INSL6: variants seen among roughly 807,000 people sequenced by gnomAD.
INSL6 encodes insulin-like peptide INSL6.
Under a neutral mutation model 9.4 loss-of-function variants are expected in INSL6, and 16 were observed. The ratio of observed to expected loss-of-function variants is 1.70; its 90% CI spans 1.15 to 2.59. INSL6 has a LOEUF of 2.59. Ranked by LOEUF, INSL6 falls within the 30% of genes most tolerant of loss-of-function variation. The pLI is 0.00. For missense variants in INSL6, 391 were observed against 257.3 expected (o/e 1.52, Z -3.56); for synonymous variants, 154 against 96.9 (o/e 1.59, Z -3.46).
the INSL6 span, chr9:5,054,497 A>T: frequency 7.3e-7 from 1 of 1,366,386 alleles, no homozygotes; most frequent in Non-Finnish European, 1.0e-6. The surrounding 1 kb of genome is among the most constrained non-coding windows in gnomAD (Gnocchi z 4.9). Flanking sequence ...TTCTTTTTCA[A>T]TTTTTAGATT....
chr9:4,996,395 C>G, the INSL6 span, among the ~76,000 whole-genome samples: 2 of 151,982 alleles, frequency 1.3e-5, no homozygotes, highest in African/African-American at 2.4e-5. Flanking sequence ...TTGCAGTGAG[C>G]TGAGATCGTG....
At chr9:5,163,442 G>C (rs1477045441), downstream of INSL6, among the ~76,000 whole-genome samples, 1 of 152,180 alleles carries the variant, frequency 6.6e-6, no homozygotes, top group Non-Finnish European at 1.5e-5. Flanking sequence ...CAAGGAATTA[G>C]AAGTGTAACT....
chr9:5,015,528 T>A, the INSL6 span, among the ~76,000 whole-genome samples: 3 of 80,348 alleles, frequency 3.7e-5, no homozygotes, highest in African/African-American at 5.7e-5. Context: ...ATTCTTTTTC[T>A]TTTTCTTTTC....
At chr9:5,083,942 C>T in the INSL6 span, among the ~76,000 whole-genome samples, 1 of 152,006 alleles carries the variant, frequency 6.6e-6, no homozygotes, top group Non-Finnish European at 1.5e-5. Flanking sequence ...TGCTATTTTT[C>T]ATATATCAAG....
chr9:5,042,916 G>C, the INSL6 span, among the ~76,000 whole-genome samples: 2 of 152,184 alleles, frequency 1.3e-5, no homozygotes. Context: ...AGGGGCAGGT[G>C]GGCCCTGCTA....
the INSL6 span, among the ~76,000 whole-genome samples, chr9:5,073,063 G>C: frequency 6.6e-6 from 1 of 152,150 alleles, no homozygotes; most frequent in Admixed American, 6.6e-5. Flanking sequence ...CAGACCCCGT[G>C]GCCAGTTGCC....
intron 1 of INSL6, among the ~76,000 whole-genome samples, chr9:5,177,227 G>C (rs1825329316): frequency 6.6e-6 from 1 of 152,172 alleles, no homozygotes; most frequent in African/African-American, 2.4e-5. Context: ...GATCCAGAGA[G>C]AAAGAAGAAA....
the INSL6 span, among the ~76,000 whole-genome samples, chr9:5,052,612 G>A: frequency 6.6e-6 from 1 of 151,992 alleles, no homozygotes; most frequent in African/African-American, 2.4e-5. Flanking sequence ...CATCCTTTCT[G>A]AAAGAAACCC....
At chr9:5,054,351 CTT>C in the INSL6 span, among the ~76,000 whole-genome samples, 3 of 152,036 alleles carry the variant, frequency 2.0e-5, no homozygotes, top group East Asian at 5.8e-4. This position sits in a 1 kb window ranked among gnomAD's most constrained non-coding sequence, Gnocchi z 4.9. Context: ...TTGATGATAA[CTT>C]AGAGTGTGTG....
chr9:5,029,681 A>G, the INSL6 span: 51 of 1,073,746 alleles, frequency 4.7e-5, no homozygotes, highest in Admixed American at 2.4e-4. Context: ...TTTTGTTCCG[A>G]TTTTAAGAGT....
chr9:5,000,474 G>A, the INSL6 span, among the ~76,000 whole-genome samples: 3 of 152,144 alleles, frequency 2.0e-5, no homozygotes, highest in Non-Finnish European at 1.5e-5. Context: ...AATATAAAGA[G>A]AAGCGTAACA....
chr9:5,098,180 C>G, the INSL6 span: 1 of 152,112 alleles, frequency 6.6e-6, no homozygotes. Flanking sequence ...ATTTGAAGAG[C>G]CAACCTACAT....
intron 3 of INSL6, chr9:5,126,835 A>C (rs966081063): frequency 2.5e-6 from 3 of 1,189,240 alleles, no homozygotes; most frequent in Non-Finnish European, 2.5e-6. Context: ...TTTACAGAAC[A>C]AAGTTTTATA....
At chr9:5,086,802 T>G in the INSL6 span, among the ~76,000 whole-genome samples, 1 of 152,338 alleles carries the variant, frequency 6.6e-6, no homozygotes, top group South Asian at 2.1e-4. Flanking sequence ...TCTTTCACAC[T>G]TTCTTCTTAT....
the INSL6 span, among the ~76,000 whole-genome samples, chr9:5,073,138 G>T: frequency 8.6e-3 from 1,307 of 152,268 alleles, 22 homozygotes; most frequent in Non-Finnish European, 0.011. Flanking sequence ...GTTAGAAGAT[G>T]ATGTGAAAAG....
chr9:5,077,400 TTTAA>T, the INSL6 span: 1 of 611,898 alleles, frequency 1.6e-6, no homozygotes, highest in Non-Finnish European at 2.4e-6. Context: ...ATTACATATA[TTTAA>T]TTATATTTAT....
chr9:5,185,276 C>T (rs376326122), intron 1 of INSL6, 38 bp downstream of exon 1: 71 of 1,613,086 alleles, frequency 4.4e-5, no homozygotes, highest in Non-Finnish European at 5.8e-5. Context: ...AAGAAATATA[C>T]AGAGGTGAAC....
At chr9:5,160,754 A>G (rs1824908931), downstream of INSL6, among the ~76,000 whole-genome samples, 1 of 152,144 alleles carries the variant, frequency 6.6e-6, no homozygotes, top group Non-Finnish European at 1.5e-5. Flanking sequence ...GATAAAAAGG[A>G]GAAATTACAA....
At chr9:5,131,816 G>A (rs971308035) in intron 3 of INSL6, among the ~76,000 whole-genome samples, 2 of 152,136 alleles carry the variant, frequency 1.3e-5, no homozygotes, top group Non-Finnish European at 1.5e-5. Flanking sequence ...ACAGCTAAAC[G>A]ACAATAATTG....
Sources: allele counts gnomAD v4.1 joint callset (sites outside exome capture counted in the v4.1 genomes callset), GRCh38; gene constraint gnomAD v4.1.1; non-coding constraint Gnocchi (gnomAD v3.1); transcripts MANE v1.5; gene names NCBI Gene and HGNC (gene_info 2026-07-23, HGNC 2026-07-21).